KALRN: variants seen among roughly 807,000 people sequenced by gnomAD.
The protein encoded by KALRN is kalirin.
In KALRN, 70 loss-of-function variants were observed where a neutral mutation model predicts 353.7. The ratio of observed to expected loss-of-function variants is 0.20; its 90% CI spans 0.16 to 0.24. The LOEUF is 0.24. Among genes scored for constraint, KALRN ranks in the 10% least tolerant of loss-of-function variants. The pLI is 1.00. For synonymous variants in KALRN, 1,391 were observed against 1,434.8 expected (o/e 0.97, Z 0.69); for missense variants, 2,791 against 3,756.7 (o/e 0.74, Z 6.72).
At chr3:124,475,686 CAGATA>C (rs1192147533) in intron 26 of KALRN, among the ~76,000 whole-genome samples, 1 of 152,144 alleles carries the variant, frequency 6.6e-6, no homozygotes, top group African/African-American at 2.4e-5. Context: ...GGGAAAATTT[CAGATA>C]AGATAGGAGG....
intron 26 of KALRN, among the ~76,000 whole-genome samples, chr3:124,475,349 T>C (rs957715382): frequency 1.3e-5 from 2 of 152,164 alleles, no homozygotes; most frequent in African/African-American, 4.8e-5. Flanking sequence ...ATGGGCCAAG[T>C]AAAGGGGCTG....
At chr3:124,248,485 C>T (rs1580007876) in intron 3 of KALRN, among the ~76,000 whole-genome samples, 1 of 152,142 alleles carries the variant, frequency 6.6e-6, no homozygotes, top group East Asian at 1.9e-4. Flanking sequence ...GCAGTGGACT[C>T]AGTCTCACCA....
intron 34 of KALRN, among the ~76,000 whole-genome samples, chr3:124,590,423 G>T (rs996702274): frequency 6.6e-6 from 1 of 152,088 alleles, no homozygotes; most frequent in Non-Finnish European, 1.5e-5. Flanking sequence ...TGCAAATTAT[G>T]ACTCTGTATC....
intron 34 of KALRN, among the ~76,000 whole-genome samples, chr3:124,616,140 T>C (rs1450598928): frequency 2.0e-5 from 3 of 152,228 alleles, no homozygotes; most frequent in Non-Finnish European, 2.9e-5. Flanking sequence ...TTTCCTCTTC[T>C]TGCTTCTTCT....
intron 32 of KALRN, 50 bp from the exon 33 acceptor site, chr3:124,496,261 C>T (rs371126558): frequency 4.6e-5 from 65 of 1,425,146 alleles, no homozygotes; most frequent in Non-Finnish European, 5.0e-5. Context: ...TCTAAACCCA[C>T]AGTGGTTCCC....
intron 33 of KALRN, 107 bp from the exon 34 acceptor site, chr3:124,562,736 C>A: frequency 9.6e-7 from 1 of 1,037,166 alleles, no homozygotes; most frequent in Non-Finnish European, 1.3e-6. Context: ...TCCTCCTTAC[C>A]TCTGCTCTCA....
At chr3:124,142,056 T>A (rs2066688290) in intron 1 of KALRN, among the ~76,000 whole-genome samples, 1 of 152,206 alleles carries the variant, frequency 6.6e-6, no homozygotes, top group East Asian at 1.9e-4. Flanking sequence ...AGGAAACATT[T>A]ATCTCCCTCT....
intron 27 of KALRN, 114 bp from the exon 28 acceptor site, chr3:124,482,694 G>A: frequency 1.4e-6 from 1 of 720,724 alleles, no homozygotes; most frequent in Non-Finnish European, 2.5e-6. Flanking sequence ...TCTCATACTT[G>A]TCTACCTTTT....
At chr3:124,502,298 AG>A (rs2064674932) in intron 33 of KALRN, among the ~76,000 whole-genome samples, 1 of 152,108 alleles carries the variant, frequency 6.6e-6, no homozygotes, top group Admixed American at 6.5e-5. Flanking sequence ...CCAGTGGGGA[AG>A]GAGTGAAGGC....
chr3:124,219,748 C>A (rs368600428), intron 1 of KALRN, among the ~76,000 whole-genome samples: 50 of 151,968 alleles, frequency 3.3e-4, no homozygotes, highest in Non-Finnish European at 4.9e-4. Context: ...TGGGTGACAG[C>A]GATGAAGGAA....
rs1424848931 is a variant in KALRN, at chr3:124,632,679, C to G, written c.5442C>G (p.Thr1814=). 6 of 1,614,036 alleles carry G rather than the reference C, an allele frequency of 3.7e-6. No homozygotes were observed. The highest frequency in any genetic ancestry group is 4.2e-6 in the Non-Finnish European group (5 of 1,180,012). ...CTCCCAAGCCTGGGGATGAAACAAC[C>G]CCTCAGGGAGACAGCGCTGATGAGG... is the stretch of plus-strand genomic sequence containing the variant. The part of the protein sequence containing the change: ...LGSPKPGDET[T]PQGDSADESK... Residue 1814 remains threonine, a synonymous_variant, in exon 35 of 60, where the codon ACC becomes ACG. Transcript: ENST00000682506.
chr3:124,185,357 C>G (rs886566942), intron 1 of KALRN, among the ~76,000 whole-genome samples: 1 of 152,200 alleles, frequency 6.6e-6, no homozygotes, highest in Non-Finnish European at 1.5e-5. Context: ...TGTCAAGCTT[C>G]GGGCCAAAGC....
At chr3:124,073,299 C>T (rs1237321405) in intron 1 of KALRN, among the ~76,000 whole-genome samples, 1 of 152,188 alleles carries the variant, frequency 6.6e-6, no homozygotes, top group Admixed American at 6.5e-5. Context: ...ATCTGTGGAG[C>T]CTCTTGGAAG....
At chr3:124,380,053 T>C (rs1383031744) in intron 10 of KALRN, among the ~76,000 whole-genome samples, 1 of 152,194 alleles carries the variant, frequency 6.6e-6, no homozygotes, top group Admixed American at 6.5e-5. Flanking sequence ...ACATTGCCTC[T>C]TTTGAATAGT....
chr3:124,678,503 T>A (rs1324231776), intron 50 of KALRN, 190 bp downstream of exon 50: 6 of 544,306 alleles, frequency 1.1e-5, no homozygotes, highest in Non-Finnish European at 1.9e-5. Flanking sequence ...TCCTGGCAAC[T>A]TCAATTCAAG....
At chr3:124,716,192 C>T (rs2063125267) in intron 58 of KALRN, among the ~76,000 whole-genome samples, 1 of 152,082 alleles carries the variant, frequency 6.6e-6, no homozygotes, top group Admixed American at 6.5e-5. Context: ...TCACAGTTCT[C>T]AAGGTTGGAA....
At chr3:124,637,127 T>TA (rs2081435537) in intron 36 of KALRN, 81 bp from the exon 37 acceptor site, 1 of 1,179,184 alleles carries the variant, frequency 8.5e-7, no homozygotes, top group Non-Finnish European at 1.3e-6. Context: ...GCTTGAGCTT[T>TA]GGACTTTCTG....
At chr3:124,663,247 G>A (rs901587200) in intron 45 of KALRN, among the ~76,000 whole-genome samples, 4 of 152,118 alleles carry the variant, frequency 2.6e-5, no homozygotes, top group Admixed American at 6.6e-5. Flanking sequence ...ACACTGGGCC[G>A]TTTCCTTTTT....
At chr3:124,470,784 C>CA (rs929536059) in intron 25 of KALRN, among the ~76,000 whole-genome samples, 4 of 152,180 alleles carry the variant, frequency 2.6e-5, no homozygotes, top group African/African-American at 9.7e-5. Context: ...TTCCTTGAGA[C>CA]AAAGTCTGAT....
Sources: gnomAD v4.1 joint callset for allele counts (sites outside exome capture counted in the v4.1 genomes callset) on GRCh38, gnomAD v4.1.1 for gene constraint, MANE v1.5 for transcripts, NCBI Gene and HGNC (gene_info 2026-07-23, HGNC 2026-07-21) for gene names.